BBX: variants seen among roughly 807,000 people sequenced by gnomAD.
The protein encoded by BBX is HMG box transcription factor BBX.
In BBX, 30 loss-of-function variants were observed where a neutral mutation model predicts 100.2. The ratio of observed to expected loss-of-function variants is 0.30; its 90% CI spans 0.22 to 0.41. BBX has a LOEUF of 0.41. Ranked by LOEUF, BBX falls within the 10% of genes least tolerant of loss-of-function variation. BBX has a pLI of 1.00. For missense variants in BBX, 1,023 were observed against 1,129.8 expected, an observed-to-expected ratio of 0.91 and a Z score of 1.35; for synonymous variants, 376 against 388.1, an observed-to-expected ratio of 0.97 and a Z score of 0.37.
chr3:107,578,450 G>T (rs2051994466), intron 2 of BBX, among the ~76,000 whole-genome samples: 1 of 152,192 alleles, frequency 6.6e-6, no homozygotes, highest in African/African-American at 2.4e-5. Flanking sequence ...ATTTGTCAGT[G>T]GGTAAAGTTA....
chr3:107,630,143 C>A (rs1039716509), intron 2 of BBX, among the ~76,000 whole-genome samples: 9 of 152,140 alleles, frequency 5.9e-5, no homozygotes, highest in Non-Finnish European at 1.0e-4. Context: ...CCCTGGGGAG[C>A]TTTTCCAGCT....
chr3:107,551,736 C>G (rs576675244), intron 2 of BBX, among the ~76,000 whole-genome samples: 23 of 152,318 alleles, frequency 1.5e-4, no homozygotes, highest in African/African-American at 5.5e-4. Context: ...TAAATAAGAG[C>G]CTGCCCTGGA....
intron 3 of BBX, among the ~76,000 whole-genome samples, chr3:107,685,422 T>C (rs2108025169): frequency 6.6e-6 from 1 of 152,338 alleles, no homozygotes; most frequent in South Asian, 2.1e-4. Flanking sequence ...CAAGATGATT[T>C]TTCTAAATGA....
Position 107,705,189 on chromosome 3 carries a change from G to GT in BBX, c.-9-5259dup, listed in dbSNP as rs529174451. Among the ~76,000 whole-genome samples, 3 of 152,240 alleles carry GT rather than the reference G, an allele frequency of 2.0e-5. No individual in the cohort carries two copies. In the South Asian group the frequency reaches 6.2e-4, roughly 32 times the overall value. On this transcript the variant is annotated intron_variant, in intron 3 of 17. Coordinates refer to ENST00000325805, the MANE Select transcript of BBX (RefSeq NM_001142568.3). ...CGTAGACTCTGGAGAAGGCCGTGCG[G>GT]TTTTGTAGTCTTAATTGGACCCAGA...
chr3:107,742,497 G>A (rs192789542), intron 7 of BBX, among the ~76,000 whole-genome samples: 2 of 152,108 alleles, frequency 1.3e-5, no homozygotes, highest in Admixed American at 1.3e-4. Flanking sequence ...AATCCGTAAT[G>A]CTTTAAAGTA....
At chr3:107,698,651 C>CA (rs56964193) in intron 3 of BBX, among the ~76,000 whole-genome samples, 19,553 of 130,530 alleles carry the variant, frequency 0.15, 1,522 homozygotes, top group Middle Eastern at 0.23. Flanking sequence ...GACTCCATCT[C>CA]AAAAAAAAAA....
At chr3:107,537,802 G>A (rs1007337278) in intron 2 of BBX, among the ~76,000 whole-genome samples, 6 of 152,200 alleles carry the variant, frequency 3.9e-5, no homozygotes, top group Non-Finnish European at 8.8e-5. Flanking sequence ...CATCAGCCCA[G>A]TTTAGATTAA....
intron 10 of BBX, among the ~76,000 whole-genome samples, chr3:107,756,693 A>G (rs948557767): frequency 5.3e-5 from 8 of 152,340 alleles, no homozygotes; most frequent in South Asian, 2.1e-4. Flanking sequence ...TTAATAAACA[A>G]TGGAACAAAC....
chr3:107,692,254 T>C (rs949884725), intron 3 of BBX, among the ~76,000 whole-genome samples: 1 of 151,924 alleles, frequency 6.6e-6, no homozygotes, highest in African/African-American at 2.4e-5. Flanking sequence ...TGCAGGTTAG[T>C]TACATATGTA....
At chr3:107,743,918 G>GTTTTTTTTTTTTTTTTTTT (rs34762783) in intron 7 of BBX, among the ~76,000 whole-genome samples, 2 of 56,622 alleles carry the variant, frequency 3.5e-5, no homozygotes, top group African/African-American at 1.4e-4. Flanking sequence ...TGTTTTAGTG[G>GTTTTTTTTTTTTTTTTTTT]TTTTTTTTTT....
intron 9 of BBX, among the ~76,000 whole-genome samples, chr3:107,749,823 G>A (rs1455156868): frequency 2.0e-5 from 3 of 151,952 alleles, no homozygotes; most frequent in Non-Finnish European, 4.4e-5. Context: ...TAGTAGAGAC[G>A]GGATTTCGCC....
intron 2 of BBX, among the ~76,000 whole-genome samples, chr3:107,551,359 T>C (rs533516395): frequency 6.6e-6 from 1 of 152,376 alleles, no homozygotes; most frequent in East Asian, 1.9e-4. Flanking sequence ...ATCAGTGTTA[T>C]GAAGTGGTTT....
chr3:107,581,336 A>G (rs1319133429), intron 2 of BBX, among the ~76,000 whole-genome samples: 3 of 152,018 alleles, frequency 2.0e-5, no homozygotes, highest in Non-Finnish European at 4.4e-5. Flanking sequence ...TAGGAAGGAA[A>G]TGGCCTTTTC....
intron 2 of BBX, among the ~76,000 whole-genome samples, chr3:107,639,837 A>G (rs373727103): frequency 5.9e-5 from 9 of 152,202 alleles, no homozygotes; most frequent in East Asian, 5.8e-4. Context: ...TGTCAGAATT[A>G]AACATATATG....
chr3:107,804,935 A>G (rs926819679), intron 17 of BBX, among the ~76,000 whole-genome samples: 1 of 152,162 alleles, frequency 6.6e-6, no homozygotes, highest in Non-Finnish European at 1.5e-5. Context: ...AGGCAAGTCA[A>G]GAAAAGGAAT....
chr3:107,723,334 C>T (rs1304084040), intron 5 of BBX, among the ~76,000 whole-genome samples: 1 of 151,894 alleles, frequency 6.6e-6, no homozygotes, highest in Non-Finnish European at 1.5e-5. Flanking sequence ...AATTAAAGTG[C>T]TTTTGTTCAT....
At chr3:107,750,442 A>G (rs1294341932) in intron 9 of BBX, among the ~76,000 whole-genome samples, 1 of 152,240 alleles carries the variant, frequency 6.6e-6, no homozygotes, top group African/African-American at 2.4e-5. Flanking sequence ...TAGTCCCTAC[A>G]AGATATAACT....
chr3:107,725,566 CAGAAT>C (rs1273356783), intron 5 of BBX, among the ~76,000 whole-genome samples: 2 of 151,914 alleles, frequency 1.3e-5, no homozygotes, highest in African/African-American at 2.4e-5. Flanking sequence ...AAAAGATTGA[CAGAAT>C]ATTGTCTTTT....
intron 17 of BBX, among the ~76,000 whole-genome samples, chr3:107,804,023 T>C (rs1454712848): frequency 6.6e-6 from 1 of 152,060 alleles, no homozygotes; most frequent in African/African-American, 2.4e-5. Flanking sequence ...AAGTAAAAAG[T>C]AGCATTTTAA....
Sources: gnomAD v4.1 joint callset for allele counts (sites outside exome capture counted in the v4.1 genomes callset) on GRCh38, gnomAD v4.1.1 for gene constraint, MANE v1.5 for transcripts, NCBI Gene and HGNC (gene_info 2026-07-23, HGNC 2026-07-21) for gene names.